The following TMIGD1 variants were observed in gnomAD, a reference collection of about 807,000 sequenced individuals.
TMIGD1 encodes the protein transmembrane and immunoglobulin domain-containing protein 1.
TMIGD1 carries 29 observed loss-of-function variants against 27.5 expected under a neutral mutation model. The observed-to-expected ratio is 1.05, with a 90% CI of 0.78 to 1.44. The LOEUF (loss-of-function observed/expected upper bound fraction) is 1.44, where lower values mean the gene tolerates loss of function less well. TMIGD1 is among the 40% of genes most tolerant of loss of function. The pLI is 0.00. For missense variants in TMIGD1, 334 were observed against 310.6 expected (o/e 1.08, Z -0.57); for synonymous variants, 109 against 110.3 (o/e 0.99, Z 0.07).
chr17:30,319,249 GAAA>G (rs1201681602), intron 4 of TMIGD1, among the ~76,000 whole-genome samples: 3 of 70,916 alleles, frequency 4.2e-5, no homozygotes, highest in African/African-American at 2.5e-4. Context: ...AAAAAAAAAA[GAAA>G]AAAAAAAAAA....
chr17:30,322,389 AG>A (rs2143147753), intron 4 of TMIGD1, among the ~76,000 whole-genome samples: 1 of 152,320 alleles, frequency 6.6e-6, no homozygotes, highest in East Asian at 1.9e-4. Context: ...GGGGAAGTAA[AG>A]GTGGGACAAT....
chr17:30,320,093 G>C (rs140301953), intron 4 of TMIGD1, among the ~76,000 whole-genome samples: 1 of 151,174 alleles, frequency 6.6e-6, no homozygotes, highest in Non-Finnish European at 1.5e-5. Context: ...GCTGGAGTAC[G>C]GTGGTGCAAT....
At chr17:30,323,085 G>A (rs925413481) in intron 4 of TMIGD1, among the ~76,000 whole-genome samples, 7 of 152,104 alleles carry the variant, frequency 4.6e-5, no homozygotes, top group South Asian at 2.1e-4. Flanking sequence ...TGGAAAGATC[G>A]CTTGAGCCTG....
intron 4 of TMIGD1, among the ~76,000 whole-genome samples, chr17:30,323,953 C>T (rs926775170): frequency 6.6e-6 from 1 of 152,230 alleles, no homozygotes; most frequent in Non-Finnish European, 1.5e-5. Flanking sequence ...CTTTTCATAT[C>T]CCATAACTCT....
At chr17:30,323,727 C>G (rs1349199016) in intron 4 of TMIGD1, among the ~76,000 whole-genome samples, 1 of 152,128 alleles carries the variant, frequency 6.6e-6, no homozygotes, top group Admixed American at 6.5e-5. Flanking sequence ...TGAGGCCCAC[C>G]CTTCCATGCT....
At chr17:30,317,794 G>A (rs1228314946) in intron 5 of TMIGD1, among the ~76,000 whole-genome samples, 1 of 151,918 alleles carries the variant, frequency 6.6e-6, no homozygotes, top group Non-Finnish European at 1.5e-5. Context: ...TTGTGGCTGG[G>A]TGTGGTGGCT....
At chr17:30,320,076 T>C (rs1422585907) in intron 4 of TMIGD1, among the ~76,000 whole-genome samples, 1 of 151,990 alleles carries the variant, frequency 6.6e-6, no homozygotes, top group Non-Finnish European at 1.5e-5. Flanking sequence ...TTGCTCCTGT[T>C]GCCCAGGCTG....
At chr17:30,318,082 A>G (rs1391695470) in intron 5 of TMIGD1, among the ~76,000 whole-genome samples, 1 of 152,188 alleles carries the variant, frequency 6.6e-6, no homozygotes, top group Non-Finnish European at 1.5e-5. Context: ...AAATAAAAAA[A>G]GAAAGAAAGG....
intron 3 of TMIGD1, among the ~76,000 whole-genome samples, chr17:30,327,569 A>ATT (rs921781456): frequency 6.6e-6 from 1 of 150,598 alleles, no homozygotes; most frequent in African/African-American, 2.4e-5. Context: ...ATTTTATTTT[A>ATT]TTTTTTTTGA....
chr17:30,322,065 G>A (rs1358066502), intron 4 of TMIGD1, among the ~76,000 whole-genome samples: 1 of 152,112 alleles, frequency 6.6e-6, no homozygotes, highest in African/African-American at 2.4e-5. Flanking sequence ...CTGGGCTCAA[G>A]CAACCCTCCC....
At chr17:30,333,914 A>T (rs553621365) in intron 1 of TMIGD1, 86 bp downstream of exon 1, 3 of 152,566 alleles carry the variant, frequency 2.0e-5, no homozygotes, top group Non-Finnish European at 4.4e-5. Flanking sequence ...CGAGACAGCA[A>T]CTTTTCAAAA....
intron 2 of TMIGD1, among the ~76,000 whole-genome samples, chr17:30,330,193 G>A (rs1306061097): frequency 7.7e-6 from 1 of 130,288 alleles, no homozygotes; most frequent in Non-Finnish European, 1.6e-5. Flanking sequence ...CCGACCCCCG[G>A]TGATTTGAGA....
chr17:30,319,261 A>AAAAAAAAAAATATATATATATATATAT, intron 4 of TMIGD1, among the ~76,000 whole-genome samples: 10 of 69,036 alleles, frequency 1.4e-4, no homozygotes, highest in African/African-American at 5.4e-4. Context: ...AAAAAAAAAA[A>AAAAAAAAAAATATATATATATATATAT]ATATATATAT....
At chr17:30,318,617 C>G (rs1030293829) in intron 5 of TMIGD1, among the ~76,000 whole-genome samples, 193 bp downstream of exon 5, 1 of 152,196 alleles carries the variant, frequency 6.6e-6, no homozygotes, top group Non-Finnish European at 1.5e-5. Context: ...CACTTCTCTT[C>G]TTTGTAAATC....
At chr17:30,330,435 G>A (rs1474182295) in intron 2 of TMIGD1, among the ~76,000 whole-genome samples, 1 of 152,106 alleles carries the variant, frequency 6.6e-6, no homozygotes, top group Admixed American at 6.6e-5. Context: ...AATATTTAAG[G>A]TATAAACTTT....
At position 30,324,847 on chromosome 17, in the gene TMIGD1, C is replaced by T. The variant is rs771894036; in HGVS notation, c.609G>A (p.Thr203=). The T allele has an allele frequency of 2.6e-5, 42 of 1,613,990 alleles. No homozygotes were observed. The highest frequency in any genetic ancestry group is 1.6e-4 in the Middle Eastern group (1 of 6,084). Residue 203 remains threonine, a synonymous_variant, in exon 4 of 7, where the codon ACG becomes ACA. Transcript: ENST00000328886. ...YSCIAKSSLK[T]ESLDFHLIVK... is the part of the protein sequence containing the mutation. ...CAATCAGGTGAAAGTCCAAGCTCTC[C>T]GTTTTCAGAGATGACTTTGCAATAC...
At position 30,329,531 on chromosome 17, in the gene TMIGD1, T is replaced by C. The variant is rs1434994224; in HGVS notation, c.83-2A>G. 2 of 1,606,428 alleles carry C rather than the reference T, an allele frequency of 1.2e-6. No individual in the cohort carries two copies. The highest frequency in any genetic ancestry group is 2.7e-5 in the African/African-American group (2 of 74,702). ...TACCATTCACAGTTAAAACAGAACC[T>C]GGGAGTATAGGGAGAAACTATTTAG... On this transcript the variant is annotated splice_acceptor_variant, in intron 2 of 6. Transcript: ENST00000328886. LOFTEE classifies it high-confidence loss of function.
In TMIGD1 at chr17:30,327,101, A is replaced by G. The variant is rs568797774; in HGVS notation, c.362-2007T>C. 5.3e-5 allele frequency among the ~76,000 whole-genome samples: 8 copies of G among 152,146 alleles called. No homozygotes were observed. The South Asian group carries it at 1.7e-3, about 32-fold the overall frequency. On this transcript the variant is annotated intron_variant, in intron 3 of 6. Coordinates refer to ENST00000328886, the MANE Select transcript of TMIGD1 (RefSeq NM_206832.3). ...ACACTTAGCAACAATGATATTTAGG[A>G]GATTGTTATAAACAGAATTTAAACA...
At chr17:30,327,813 T>C (rs1909838743) in intron 3 of TMIGD1, among the ~76,000 whole-genome samples, 1 of 151,908 alleles carries the variant, frequency 6.6e-6, no homozygotes, top group Non-Finnish European at 1.5e-5. Flanking sequence ...TACCAAATCA[T>C]ACTGCATCAT....
Sources: gnomAD v4.1 joint callset for allele counts (sites outside exome capture counted in the v4.1 genomes callset) on GRCh38, gnomAD v4.1.1 for gene constraint, MANE v1.5 for transcripts, NCBI Gene and HGNC (gene_info 2026-07-23, HGNC 2026-07-21) for gene names.